The following NXPE4 variants were observed in gnomAD, a reference collection of about 807,000 sequenced individuals.
NXPE4 encodes the protein neurexophilin and PC-esterase domain family member 4, also known as NXPE family member 4.
Under a neutral mutation model 33.3 loss-of-function variants are expected in NXPE4, and 42 were observed. The observed-to-expected ratio is 1.26, with a 90% CI of 0.98 to 1.63. The LOEUF is 1.63. Ranked by LOEUF, NXPE4 falls within the 40% of genes most tolerant of loss-of-function variation. The probability of loss-of-function intolerance (pLI) is 0.00; values close to 1 mark genes in which losing one functional copy is unlikely to be tolerated. For synonymous variants in NXPE4, 253 were observed against 234.9 expected, an observed-to-expected ratio of 1.08 and a Z score of -0.71; for missense variants, 709 against 647.6, an observed-to-expected ratio of 1.09 and a Z score of -1.03.
At chr11:114,624,423 C>T in the NXPE4 span, among the ~76,000 whole-genome samples, 58 of 151,424 alleles carry the variant, frequency 3.8e-4, no homozygotes, top group South Asian at 8.6e-3. Context: ...CTGTTACCCA[C>T]TGGATAATAA....
the NXPE4 span, among the ~76,000 whole-genome samples, chr11:114,639,467 GC>G: frequency 6.6e-6 from 1 of 151,456 alleles, no homozygotes; most frequent in East Asian, 1.9e-4. Flanking sequence ...ACGCTGCGCT[GC>G]CCCCACTGTC....
chr11:114,634,945 G>C, the NXPE4 span, among the ~76,000 whole-genome samples: 1 of 151,930 alleles, frequency 6.6e-6, no homozygotes, highest in Non-Finnish European at 1.5e-5. Flanking sequence ...TTGGTGATGA[G>C]GGCCCTTTTT....
the NXPE4 span, among the ~76,000 whole-genome samples, chr11:114,642,689 G>A: frequency 1.3e-5 from 2 of 152,042 alleles, no homozygotes; most frequent in South Asian, 4.1e-4. Context: ...TTGGTTCCAA[G>A]TCTTTGCTAT....
At chr11:114,664,022 C>T in the NXPE4 span, among the ~76,000 whole-genome samples, 1 of 152,142 alleles carries the variant, frequency 6.6e-6, no homozygotes, top group Non-Finnish European at 1.5e-5. Context: ...TACCACACAG[C>T]AATGCCACAC....
chr11:114,643,920 G>A, the NXPE4 span, among the ~76,000 whole-genome samples: 1 of 151,778 alleles, frequency 6.6e-6, no homozygotes, highest in African/African-American at 2.4e-5. Context: ...CCATTTTTTT[G>A]TGTCCTCTCT....
rs1252870533 is a variant in NXPE4 at position 114,595,684 on chromosome 11, A to G, written c.-103T>C. On this transcript the variant is annotated 5_prime_UTR_variant, in exon 1 of 6. The change abolishes an upstream ATG in the 5' untranslated region. Transcript: ENST00000375478. ...CTGAAGCCACCAGTGTGCTACTGGC[A>G]TACCTCTTGTCTATACCAAAATAAA... is the stretch of plus-strand genomic sequence containing the variant. 6.6e-5 allele frequency: 10 copies of G among 152,314 alleles called. No homozygotes were observed. Among genetic ancestry groups the G allele is most frequent in the Admixed American group, 6.5e-4 (10 of 15,268 alleles). 9.4% of individuals were successfully genotyped at this position (152,314 alleles called of 1,614,324 possible). A position where few individuals can be genotyped will look rare whatever the true frequency, so the allele number is the denominator to read the frequency against.
At chr11:114,639,358 G>C in the NXPE4 span, among the ~76,000 whole-genome samples, 1 of 151,982 alleles carries the variant, frequency 6.6e-6, no homozygotes, top group African/African-American at 2.4e-5. Context: ...CGATTTTCCA[G>C]GTGCCGTCTG....
At chr11:114,655,351 C>T in the NXPE4 span, among the ~76,000 whole-genome samples, 4 of 152,174 alleles carry the variant, frequency 2.6e-5, no homozygotes, top group African/African-American at 9.6e-5. Flanking sequence ...TGTCAATTTT[C>T]ACTTTTTTTG....
At chr11:114,652,343 C>A in the NXPE4 span, among the ~76,000 whole-genome samples, 2 of 152,212 alleles carry the variant, frequency 1.3e-5, no homozygotes, top group Non-Finnish European at 2.9e-5. Flanking sequence ...AGCACCAGAG[C>A]CAAAGCTCCC....
the NXPE4 span, among the ~76,000 whole-genome samples, chr11:114,661,042 G>T: frequency 1.3e-5 from 2 of 152,100 alleles, no homozygotes; most frequent in African/African-American, 4.8e-5. Flanking sequence ...ATACTTATGT[G>T]TAAATCTAAT....
chr11:114,632,395 A>C, the NXPE4 span, among the ~76,000 whole-genome samples: 10 of 133,434 alleles, frequency 7.5e-5, no homozygotes, highest in African/African-American at 2.4e-4. Context: ...ATATAAATAT[A>C]AATATACATA....
chr11:114,651,291 G>T, the NXPE4 span, among the ~76,000 whole-genome samples: 1 of 151,806 alleles, frequency 6.6e-6, no homozygotes, highest in African/African-American at 2.4e-5. Flanking sequence ...TCGTGGTCTC[G>T]CTGACTTTAG....
At chr11:114,648,730 C>A in the NXPE4 span, among the ~76,000 whole-genome samples, 1 of 152,114 alleles carries the variant, frequency 6.6e-6, no homozygotes, top group African/African-American at 2.4e-5. Context: ...ATACAACTAT[C>A]CCGCATACAA....
At chr11:114,607,353 G>A in the NXPE4 span, among the ~76,000 whole-genome samples, 1 of 152,010 alleles carries the variant, frequency 6.6e-6, no homozygotes, top group Admixed American at 6.6e-5. Context: ...TGCCTCGTGG[G>A]TAACCACTGT....
intron 2 of NXPE4, among the ~76,000 whole-genome samples, chr11:114,591,807 A>G (rs1179496975): frequency 6.6e-6 from 1 of 152,126 alleles, no homozygotes; most frequent in Non-Finnish European, 1.5e-5. Context: ...CTGTAGGTGA[A>G]CAGGAGATGT....
the NXPE4 span, among the ~76,000 whole-genome samples, chr11:114,616,195 G>A: frequency 1.3e-5 from 2 of 151,626 alleles, no homozygotes; most frequent in Non-Finnish European, 2.9e-5. Flanking sequence ...TGTCTCATGA[G>A]TAACTGCTGT....
the NXPE4 span, among the ~76,000 whole-genome samples, chr11:114,643,934 T>A: frequency 6.6e-6 from 1 of 152,210 alleles, no homozygotes; most frequent in Admixed American, 6.5e-5. Context: ...CCTCTCTTAT[T>A]TTCTTGAGCA....
chr11:114,651,427 T>C, the NXPE4 span, among the ~76,000 whole-genome samples: 1 of 152,094 alleles, frequency 6.6e-6, no homozygotes, highest in Non-Finnish European at 1.5e-5. Context: ...ACGTTTGCGG[T>C]GAGTGTTACA....
the NXPE4 span, among the ~76,000 whole-genome samples, chr11:114,614,792 G>A: frequency 1.3e-5 from 2 of 151,698 alleles, no homozygotes; most frequent in Non-Finnish European, 2.9e-5. Flanking sequence ...GTTACCTGGT[G>A]GATGATAAGT....
Sources: gnomAD v4.1 joint callset for allele counts (sites outside exome capture counted in the v4.1 genomes callset) on GRCh38, gnomAD v4.1.1 for gene constraint, MANE v1.5 for transcripts, NCBI Gene and HGNC (gene_info 2026-07-23, HGNC 2026-07-21) for gene names.